MED7: variants seen among roughly 807,000 people sequenced by gnomAD.
MED7 encodes mediator complex subunit 7, also known as mediator of RNA polymerase II transcription subunit 7.
A neutral mutation model predicts 16.6 loss-of-function variants in MED7; 7 were observed. The observed-to-expected ratio is 0.42, with a 90% confidence interval of 0.24 to 0.79. The LOEUF is 0.79. Ranked by LOEUF, MED7 falls within the 30% of genes least tolerant of loss-of-function variation. MED7 has a pLI of 0.27. For synonymous variants in MED7, 88 were observed against 90.5 expected (o/e 0.97, Z 0.16); for missense variants, 240 against 286.3 (o/e 0.84, Z 1.17).
intron 1 of MED7, among the ~76,000 whole-genome samples, chr5:157,140,215 G>A (rs1757702919): frequency 6.6e-6 from 1 of 152,140 alleles, no homozygotes; most frequent in Non-Finnish European, 1.5e-5. Context: ...ATTTTGCCAT[G>A]TTGGCCAGGT....
intron 1 of MED7, among the ~76,000 whole-genome samples, chr5:157,142,204 A>G (rs1309397775): frequency 6.6e-6 from 1 of 152,228 alleles, no homozygotes; most frequent in Non-Finnish European, 1.5e-5. Context: ...TCTTAACTCA[A>G]GATCCAACAT....
chr5:157,139,781 C>T, intron 1 of MED7, among the ~76,000 whole-genome samples: 1 of 145,012 alleles, frequency 6.9e-6, no homozygotes, highest in Non-Finnish European at 1.5e-5. Context: ...TCTTCCATAA[C>T]CAAACTACAC....
chr5:157,138,706 G>A lies in MED7; in HGVS notation c.*24C>T, dbSNP rs1043892. 1 of 1,537,292 alleles carries A rather than the reference G, an allele frequency of 6.5e-7. No individual in the cohort carries two copies. On this transcript the variant is annotated 3_prime_UTR_variant, in exon 2 of 2. Transcript: ENST00000286317. ...TAATATATGATGCTATTATCAAAAGGAAAAAAAGAAAAAGAAACATCTTTC... is the reference window on the plus strand; with the variant it reads ...TAATATATGATGCTATTATCAAAAGAAAAAAAAGAAAAAGAAACATCTTTC...
chr5:157,138,696 T>C lies in MED7; in HGVS notation c.*34A>G, dbSNP rs553002745. ...GAAAATGAACTAATATATGATGCTA[T>C]TATCAAAAGGAAAAAAAGAAAAAGA... On this transcript the variant is annotated 3_prime_UTR_variant, in exon 2 of 2. Coordinates refer to ENST00000286317, the MANE Select transcript of MED7 (RefSeq NM_004270.5). 3.5e-5 allele frequency: 53 copies of C among 1,494,824 alleles called. No individual in the cohort carries two copies. In the South Asian group the frequency reaches 6.5e-4, roughly 18 times the overall value. The allele number at this position is 1,494,824 out of a possible 1,614,324, so 92.6% of individuals were successfully genotyped here. A position where few individuals can be genotyped will look rare whatever the true frequency, so the allele number is the denominator to read the frequency against.
At chr5:157,140,297 A>G (rs1757703955) in intron 1 of MED7, among the ~76,000 whole-genome samples, 2 of 152,100 alleles carry the variant, frequency 1.3e-5, no homozygotes, top group East Asian at 1.9e-4. Context: ...TACAGGCGTG[A>G]GCCACCACGC....
chr5:157,139,405 T>C lies in MED7; in HGVS notation c.27A>G (p.Ala9=), dbSNP rs1465552761. Residue 9 remains alanine, a synonymous_variant, in exon 2 of 2, where the codon GCA becomes GCG. Transcript: ENST00000286317. MGEPQQVS[A]LPPPPMQYIK... ...TATATTGCATTGGAGGTGGTGGAAG[T>C]GCACTCACTTGCTGTGGTTCACCCA... 2.5e-6 allele frequency: 4 copies of C among 1,587,698 alleles called. No homozygotes were observed. Among genetic ancestry groups the C allele is most frequent in the East Asian group, 2.2e-5 (1 of 44,784 alleles).
chr5:157,141,892 C>T (rs1253704708), intron 1 of MED7, among the ~76,000 whole-genome samples: 3 of 152,104 alleles, frequency 2.0e-5, no homozygotes, highest in Non-Finnish European at 4.4e-5. Flanking sequence ...CACGGTCCCA[C>T]GAATTAAGTT....
rs745950470 is a variant in MED7, at chr5:157,139,423, T to G, written c.9A>C (p.Glu3Asp). 4 of 1,573,482 alleles carry G rather than the reference T, an allele frequency of 2.5e-6. No individual in the cohort carries two copies. Among genetic ancestry groups the G allele is most frequent in the East Asian group, 2.2e-5 (1 of 44,722 alleles). MG[E>D]PQQVSALPPP... The stretch of plus-strand genomic sequence containing the variant: ...GTGGAAGTGCACTCACTTGCTGTGG[T>G]TCACCCATTGTGGACTATCAAGAAC... Residue 3 changes from glutamate (E) to aspartate (D), a missense_variant, in exon 2 of 2, where the codon GAA becomes GAC. Transcript: ENST00000286317.
At position 157,138,694 on chromosome 5, in the gene MED7, T is replaced by C; in HGVS notation, c.*36A>G. 1.4e-6 allele frequency: 2 copies of C among 1,480,650 alleles called. No homozygotes were observed. The highest frequency in any genetic ancestry group is 2.3e-5 in the East Asian group (1 of 44,126). 91.7% of individuals were successfully genotyped at this position (1,480,650 alleles called of 1,614,324 possible). On this transcript the variant is annotated 3_prime_UTR_variant, in exon 2 of 2. Coordinates refer to ENST00000286317, the MANE Select transcript of MED7 (RefSeq NM_004270.5). The stretch of plus-strand genomic sequence containing the variant: ...AAGAAAATGAACTAATATATGATGC[T>C]ATTATCAAAAGGAAAAAAAGAAAAA...
At chr5:157,142,130 G>T (rs918920030) in intron 1 of MED7, among the ~76,000 whole-genome samples, 1 of 152,238 alleles carries the variant, frequency 6.6e-6, no homozygotes, top group Admixed American at 6.5e-5. Context: ...TCTCTAGATG[G>T]AACTTTTCAA....
intron 1 of MED7, among the ~76,000 whole-genome samples, chr5:157,141,892 C>G (rs1253704708): frequency 6.6e-6 from 1 of 152,104 alleles, no homozygotes; most frequent in Non-Finnish European, 1.5e-5. Flanking sequence ...CACGGTCCCA[C>G]GAATTAAGTT....
At chr5:157,140,615 G>A (rs1757709037) in intron 1 of MED7, among the ~76,000 whole-genome samples, 1 of 151,994 alleles carries the variant, frequency 6.6e-6, no homozygotes, top group Non-Finnish European at 1.5e-5. Context: ...TGGTGCATAG[G>A]ATGATGCAGC....
rs3797851 is a variant in MED7, at chr5:157,138,361, G to T, written c.*369C>A. On this transcript the variant is annotated 3_prime_UTR_variant, in exon 2 of 2. Coordinates refer to ENST00000286317, the MANE Select transcript of MED7 (RefSeq NM_004270.5). ...TAAAGATTTCATAGTTTTACATGTAGAGAGCTTAATATCCATTTATCTATC... is the reference window on the plus strand; with the variant it reads ...TAAAGATTTCATAGTTTTACATGTATAGAGCTTAATATCCATTTATCTATC... 0.2 allele frequency: 34,680 copies of T among 170,644 alleles called. 3,885 individuals are homozygous for T. The highest frequency in any genetic ancestry group is 0.31 in the African/African-American group (13,127 of 42,154). The allele number at this position is 170,644 out of a possible 1,614,324, so 10.6% of individuals were successfully genotyped here.
At chr5:157,142,650 G>A (rs765123916) in intron 1 of MED7, 170 bp downstream of exon 1, 4 of 152,226 alleles carry the variant, frequency 2.6e-5, no homozygotes, top group Non-Finnish European at 5.9e-5. Flanking sequence ...CCGCGCTCTC[G>A]GAGAGACCGC....
chr5:157,139,183 C>T lies in MED7; in HGVS notation c.249G>A (p.Met83Ile), dbSNP rs757865143. The T allele has an allele frequency of 1.2e-6, 2 of 1,612,644 alleles. No homozygotes were observed. Among genetic ancestry groups the T allele is most frequent in the Admixed American group, 3.4e-5 (2 of 59,640 alleles). ...GGTCCAAGAAATTAATAAGGATAGA[C>T]ATATTAAGTTTTCTCAGTTCTTTCT... ...DHKKELRKLN[M>I]SILINFLDLL... Residue 83 changes from methionine (M) to isoleucine (I), a missense_variant, in exon 2 of 2, where the codon ATG becomes ATA. By Grantham distance (10) the Met-to-Ile change is conservative. Coordinates refer to ENST00000286317, the MANE Select transcript of MED7 (RefSeq NM_004270.5).
At chr5:157,141,612 A>G (rs894680238) in intron 1 of MED7, among the ~76,000 whole-genome samples, 2 of 152,012 alleles carry the variant, frequency 1.3e-5, no homozygotes, top group Admixed American at 1.3e-4. Flanking sequence ...TTTTTGAGAC[A>G]AGGGCTCAAT....
At chr5:157,142,741 C>G (rs955800941) in intron 1 of MED7, 79 bp downstream of exon 1, 2 of 152,634 alleles carry the variant, frequency 1.3e-5, no homozygotes, top group Admixed American at 1.3e-4. Context: ...AGTTCCCAGC[C>G]CAGCACAGAG....
Position 157,139,056 on chromosome 5 carries a change from AT to A in MED7, c.375del (p.Glu125AspfsTer11), listed in dbSNP as rs1248399454. On this transcript the variant is annotated frameshift_variant, in exon 2 of 2. Coordinates refer to ENST00000286317, the MANE Select transcript of MED7 (RefSeq NM_004270.5). LOFTEE classifies it high-confidence loss of function. ...LFVHVHHLIN[E>X]YRPHQARETL... ...GTCTCTCTTGCTTGGTGGGGTCGGTATTCATTTATAAGATGATGCACGTGTA... is the reference window on the plus strand; with the variant it reads ...GTCTCTCTTGCTTGGTGGGGTCGGTATCATTTATAAGATGATGCACGTGTA... 1 of 1,613,850 alleles carries A rather than the reference AT, an allele frequency of 6.2e-7. No homozygotes were observed. Among genetic ancestry groups the A allele is most frequent in the Non-Finnish European group, 8.5e-7 (1 of 1,180,008 alleles).
chr5:157,139,491 C>T, intron 1 of MED7, 43 bp from the exon 2 acceptor site: 1 of 1,177,164 alleles, frequency 8.5e-7, no homozygotes, highest in Non-Finnish European at 1.2e-6. Flanking sequence ...ACAAGACAAA[C>T]CTGTTACATT....
Sources: allele counts gnomAD v4.1 joint callset (sites outside exome capture counted in the v4.1 genomes callset), GRCh38; gene constraint gnomAD v4.1.1; transcripts MANE v1.5; gene names NCBI Gene and HGNC (gene_info 2026-07-23, HGNC 2026-07-21).